Variants in SLC16A2 observed in about 807,000 individuals in gnomAD.
SLC16A2 encodes the protein solute carrier family 16 member 2, also known as monocarboxylate transporter 8.
A neutral mutation model predicts 27.2 loss-of-function variants in SLC16A2; 3 were observed. That is an observed-to-expected ratio of 0.11 (90% CI 0.05 to 0.28). The LOEUF is 0.28. SLC16A2 is among the 10% of genes least tolerant of loss of function. The pLI is 1.00. For synonymous variants in SLC16A2, 202 were observed against 187.8 expected (o/e 1.08, Z -0.62); for missense variants, 295 against 458.5 (o/e 0.64, Z 3.26).
chrX:74,439,719 A>G (rs1403859537), intron 1 of SLC16A2, among the ~76,000 whole-genome samples: 5 of 109,095 alleles, frequency 4.6e-5, no homozygotes, highest in African/African-American at 1.3e-4. Context: ...GGGTGGTACC[A>G]TGAAGTATAT....
chrX:74,484,017 C>T (rs1929672659), intron 1 of SLC16A2, among the ~76,000 whole-genome samples: 1 of 111,382 alleles, frequency 9.0e-6, no homozygotes, highest in Non-Finnish European at 1.9e-5. Context: ...GTACTAGGAG[C>T]TGGAGGAAGA....
At chrX:74,481,371 T>C (rs775245996) in intron 1 of SLC16A2, among the ~76,000 whole-genome samples, 1 of 112,223 alleles carries the variant, frequency 8.9e-6, no homozygotes, top group Non-Finnish European at 1.9e-5. Context: ...TTTTAATTAC[T>C]AATTCTATCT....
chrX:74,492,925 A>AG (rs1366907946), intron 1 of SLC16A2, among the ~76,000 whole-genome samples: 1 of 111,987 alleles, frequency 8.9e-6, no homozygotes, highest in Non-Finnish European at 1.9e-5. Flanking sequence ...CTGCAGAAAG[A>AG]GGGGGCTGTC....
At chrX:74,476,338 A>T (rs1461019378) in intron 1 of SLC16A2, among the ~76,000 whole-genome samples, 2 of 112,010 alleles carry the variant, frequency 1.8e-5, no homozygotes, top group Non-Finnish European at 3.8e-5. Flanking sequence ...GTATCCTGAG[A>T]CTTTGCTGAA....
intron 1 of SLC16A2, among the ~76,000 whole-genome samples, chrX:74,466,023 C>G (rs182730718): frequency 1.8e-5 from 2 of 111,220 alleles, no homozygotes; most frequent in East Asian, 5.7e-4. Flanking sequence ...CCCAAGAGAA[C>G]TGCAAGCCCA....
At chrX:74,445,617 T>C (rs774316020) in intron 1 of SLC16A2, among the ~76,000 whole-genome samples, 1 of 103,832 alleles carries the variant, frequency 9.6e-6, no homozygotes, top group Non-Finnish European at 2.0e-5. Context: ...TGAAGCATTA[T>C]ACTCAATTGT....
intron 1 of SLC16A2, among the ~76,000 whole-genome samples, chrX:74,442,432 C>T (rs896013235): frequency 2.7e-5 from 3 of 110,592 alleles, no homozygotes; most frequent in Admixed American, 9.7e-5. Flanking sequence ...TGGGCTGTAC[C>T]CATTTGTCTG....
In SLC16A2 at chrX:74,482,162, C is replaced by T. The variant is rs147671385; in HGVS notation, c.431-38828C>T. Among the ~76,000 whole-genome samples, 371 of 111,087 alleles carry T rather than the reference C, an allele frequency of 3.3e-3. 5 individuals carry two copies. The highest frequency in any genetic ancestry group is 0.012 in the African/African-American group (366 of 30,599). On this transcript the variant is annotated intron_variant, in intron 1 of 5. Transcript: ENST00000587091. ...TTCTATTCTTTCTGGTAGAAGTCAG[C>T]CATAAATCTTATTGGAATTCCTCTT...
intron 1 of SLC16A2, among the ~76,000 whole-genome samples, chrX:74,496,964 C>T (rs1015288150): frequency 1.8e-5 from 2 of 111,334 alleles, no homozygotes; most frequent in Non-Finnish European, 3.8e-5. Flanking sequence ...TCCAGCTGCC[C>T]CTGTGTTCCT....
chrX:74,473,144 T>C (rs1929390005), intron 1 of SLC16A2: 1 of 592,225 alleles, frequency 1.7e-6, no homozygotes, highest in Admixed American at 2.2e-5. Flanking sequence ...CAAAGTTTCA[T>C]GGGTCCATAA....
At chrX:74,525,508 C>T (rs1215772577) in intron 3 of SLC16A2, among the ~76,000 whole-genome samples, 1 of 111,564 alleles carries the variant, frequency 9.0e-6, no homozygotes, top group Non-Finnish European at 1.9e-5. Context: ...TTCTGTCTTG[C>T]TGGGGCTTAG....
chrX:74,518,078 T>G (rs1050960632), intron 1 of SLC16A2, among the ~76,000 whole-genome samples: 1 of 112,060 alleles, frequency 8.9e-6, no homozygotes, highest in Non-Finnish European at 1.9e-5. Context: ...AAAAAGCTAG[T>G]GTAATCATCT....
chrX:74,500,301 C>A (rs1930009132), intron 1 of SLC16A2, among the ~76,000 whole-genome samples: 1 of 111,463 alleles, frequency 9.0e-6, no homozygotes, highest in Admixed American at 9.6e-5. Context: ...GGGCATTTGA[C>A]CCTCTTCCAG....
intron 1 of SLC16A2, among the ~76,000 whole-genome samples, chrX:74,451,510 C>T (rs113462626): frequency 0.011 from 1,248 of 112,192 alleles, 10 homozygotes; most frequent in Middle Eastern, 0.032. Context: ...CCAATGAATC[C>T]CCTGTGGTTA....
Position 74,529,894 on chromosome X carries a change from G to A in SLC16A2, c.1399+453G>A, listed in dbSNP as rs752260439. ...CTCTGCTGGCTTCTGAACTGAGCCT[G>A]TAGAAGATATTTGATTAAAGTAATA... is the stretch of plus-strand genomic sequence containing the variant. On this transcript the variant is annotated intron_variant, in intron 5 of 5. Transcript: ENST00000587091. 1.9e-4 allele frequency among the ~76,000 whole-genome samples: 20 copies of A among 107,964 alleles called. No homozygotes were observed. In the South Asian group the frequency reaches 8.3e-3, roughly 45 times the overall value. The allele number at this position is 107,964 out of a possible 115,157, so 93.8% of individuals were successfully genotyped here.
At chrX:74,529,671 A>G (rs1930537490) in intron 5 of SLC16A2, among the ~76,000 whole-genome samples, 1 of 109,378 alleles carries the variant, frequency 9.1e-6, no homozygotes, top group Non-Finnish European at 1.9e-5. Flanking sequence ...TATCTGTTTC[A>G]ATAGGATTTT....
chrX:74,473,907 A>G, intron 1 of SLC16A2: 1 of 442,056 alleles, frequency 2.3e-6, no homozygotes, highest in Admixed American at 3.3e-5. Flanking sequence ...TTCAATGAAG[A>G]GCTTCCTCAG....
intron 1 of SLC16A2, among the ~76,000 whole-genome samples, chrX:74,461,713 G>A (rs760834718): frequency 8.9e-6 from 1 of 111,822 alleles, no homozygotes; most frequent in South Asian, 3.8e-4. Flanking sequence ...CAGATGTAAG[G>A]AACAGAGGAT....
chrX:74,485,472 T>TC (rs1394031597), intron 1 of SLC16A2, among the ~76,000 whole-genome samples: 2 of 110,445 alleles, frequency 1.8e-5, no homozygotes, highest in Middle Eastern at 4.7e-3. Flanking sequence ...TCACAAGGTA[T>TC]CTTTATTCTA....
Sources: allele counts gnomAD v4.1 joint callset (sites outside exome capture counted in the v4.1 genomes callset), GRCh38; gene constraint gnomAD v4.1.1; transcripts MANE v1.5; gene names NCBI Gene and HGNC (gene_info 2026-07-23, HGNC 2026-07-21).